The following HSPB3 variants were observed in gnomAD, a reference collection of about 807,000 sequenced individuals.
HSPB3 encodes heat shock protein family B (small) member 3.
In HSPB3, 10 loss-of-function variants were observed where a neutral mutation model predicts 10.9. The observed-to-expected ratio is 0.91, with a 90% confidence interval of 0.56 to 1.55. HSPB3 has a LOEUF of 1.55. Ranked by LOEUF, HSPB3 falls within the 40% of genes most tolerant of loss-of-function variation. The pLI is 0.00. For synonymous variants in HSPB3, 73 were observed against 71.8 expected, an observed-to-expected ratio of 1.02 and a Z score of -0.08; for missense variants, 176 against 184.1, an observed-to-expected ratio of 0.96 and a Z score of 0.25.
Position 54,455,947 on chromosome 5 carries a change from C to T in HSPB3, c.158C>T (p.Ser53Phe). 6.2e-7 allele frequency: 1 copy of T among 1,614,194 alleles called. No individual in the cohort carries two copies. Among genetic ancestry groups the T allele is most frequent in the Non-Finnish European group, 8.5e-7 (1 of 1,180,040 alleles). The change falls in exon 1 of 1, where the codon TCT becomes TTT. Residue 53 changes from serine (S) to phenylalanine (F), a missense_variant. Physicochemically the swap from Ser to Phe is radical, Grantham distance 155. Coordinates refer to ENST00000302005, the MANE Select transcript of HSPB3 (RefSeq NM_006308.3). ...VDLRKTRAAQ[S>F]PPVDSAAETP... is the part of the protein sequence containing the mutation. ...CTGAGGAAAACCAGGGCAGCGCAGTCTCCTCCAGTGGACTCAGCGGCAGAG... is the reference window on the plus strand; with the variant it reads ...CTGAGGAAAACCAGGGCAGCGCAGTTTCCTCCAGTGGACTCAGCGGCAGAG...
In HSPB3 at chr5:54,455,826, C is replaced by T. The variant is rs372042812; in HGVS notation, c.37C>T (p.Pro13Ser). 114 of 1,613,964 alleles carry T rather than the reference C, an allele frequency of 7.1e-5. No individual in the cohort carries two copies. Among genetic ancestry groups the T allele is most frequent in the Non-Finnish European group, 9.5e-5 (112 of 1,179,998 alleles). The change falls in exon 1 of 1, where the codon CCA becomes TCA. Residue 13 changes from proline to serine, a missense_variant. Physicochemically the swap from Pro to Ser is moderately conservative, Grantham distance 74. Transcript: ENST00000302005. ...KIILRHLIEI[P>S]VRYQEEFEAR... is the part of the protein sequence containing the mutation. ...CATTTTGAGGCACCTCATAGAGATTCCAGTGCGTTACCAGGAAGAGTTTGA... is the reference window on the plus strand; with the variant it reads ...CATTTTGAGGCACCTCATAGAGATTTCAGTGCGTTACCAGGAAGAGTTTGA...
chr5:54,456,176 G>A lies in HSPB3; in HGVS notation c.387G>A (p.Leu129=). ...CAGATGGTGTGGAAATCAAAGATTTGTCTGCAGTCCTCTGTCATGATGGAA... is the reference window on the plus strand; with the variant it reads ...CAGATGGTGTGGAAATCAAAGATTTATCTGCAGTCCTCTGTCATGATGGAA... ...KLPDGVEIKD[L]SAVLCHDGIL... is the part of the protein sequence containing the mutation. Residue 129 remains leucine (L), a synonymous_variant, in exon 1 of 1, where the codon TTG becomes TTA. Coordinates refer to ENST00000302005, the MANE Select transcript of HSPB3 (RefSeq NM_006308.3). The A allele has an allele frequency of 6.2e-7, 1 of 1,614,210 alleles. No homozygotes were observed. The highest frequency in any genetic ancestry group is 8.5e-7 in the Non-Finnish European group (1 of 1,180,040).
Position 54,456,098 on chromosome 5 carries a change from A to C in HSPB3, c.309A>C (p.Arg103Ser), listed in dbSNP as rs1761044247. 1.2e-6 allele frequency: 2 copies of C among 1,614,180 alleles called. No individual in the cohort carries two copies. The highest frequency in any genetic ancestry group is 1.7e-6 in the Non-Finnish European group (2 of 1,180,032). The change falls in exon 1 of 1, where the codon AGA becomes AGC. Residue 103 changes from arginine (R) to serine (S), a missense_variant. By Grantham distance (110) the Arg-to-Ser change is moderately radical. Coordinates refer to ENST00000302005, the MANE Select transcript of HSPB3 (RefSeq NM_006308.3). Reference protein sequence around the residue: ...WLLIKAQHGTRMDEHGFISRS... With the variant: ...WLLIKAQHGTSMDEHGFISRS... ...TGATAAAAGCACAACACGGAACCAG[A>C]ATGGATGAGCACGGTTTTATCTCAA...
rs1368471517 is a variant in HSPB3 at position 54,455,775 on chromosome 5, G to C, written c.-15G>C. 1.2e-6 allele frequency: 2 copies of C among 1,611,802 alleles called. No individual in the cohort carries two copies. Among genetic ancestry groups the C allele is most frequent in the South Asian group, 2.2e-5 (2 of 90,980 alleles). ...TGGCAGAAGGAGGCTGTTCAAGGCT[G>C]TTTTTGCCTTCACTATGGCAAAAAT... is the stretch of plus-strand genomic sequence containing the variant. On this transcript the variant is annotated 5_prime_UTR_variant, in exon 1 of 1. Transcript: ENST00000302005.
chr5:54,456,136 G>A lies in HSPB3; in HGVS notation c.347G>A (p.Arg116Gln), dbSNP rs150931007. The stretch of plus-strand genomic sequence containing the variant: ...GGTTTTATCTCAAGAAGCTTCACCC[G>A]ACAGTACAAACTACCAGATGGTGTG... ...EHGFISRSFT[R>Q]QYKLPDGVEI... The change falls in exon 1 of 1, where the codon CGA (arginine) becomes CAA (glutamine). Residue 116 changes from arginine (R) to glutamine (Q), a missense_variant. By Grantham distance (43) the Arg-to-Gln change is conservative. Coordinates refer to ENST00000302005, the MANE Select transcript of HSPB3 (RefSeq NM_006308.3). The A allele has an allele frequency of 2.1e-4, 333 of 1,614,102 alleles. 3 individuals are homozygous for A. The Admixed American group carries it at 4.8e-3, about 24-fold the overall frequency.
In HSPB3 at chr5:54,455,965, C is replaced by A. The variant is rs374682239; in HGVS notation, c.176C>A (p.Ala59Glu). Reference protein sequence around the residue: ...RAAQSPPVDSAAETPPREGKS... With the variant: ...RAAQSPPVDSEAETPPREGKS... The stretch of plus-strand genomic sequence containing the variant: ...GCGCAGTCTCCTCCAGTGGACTCAG[C>A]GGCAGAGACGCCACCCCGAGAAGGC... The change falls in exon 1 of 1, where the codon GCG becomes GAG. Residue 59 changes from alanine (A) to glutamate (E), a missense_variant. Physicochemically the swap from Ala to Glu is moderately radical, Grantham distance 107. Transcript: ENST00000302005. 3.1e-6 allele frequency: 5 copies of A among 1,613,984 alleles called. No individual in the cohort carries two copies. The African/African-American group carries it at 4.0e-5, about 13-fold the overall frequency.
In HSPB3 at chr5:54,455,935, G is replaced by A; in HGVS notation, c.146G>A (p.Arg49Lys). 6.2e-7 allele frequency: 1 copy of A among 1,614,140 alleles called. No homozygotes were observed. The highest frequency in any genetic ancestry group is 8.5e-7 in the Non-Finnish European group (1 of 1,180,038). The change falls in exon 1 of 1, where the codon AGG becomes AAG. Residue 49 changes from arginine to lysine, a missense_variant. By Grantham distance (26) the Arg-to-Lys change is conservative. Coordinates refer to ENST00000302005, the MANE Select transcript of HSPB3 (RefSeq NM_006308.3). ...ACCATCGTGGACCTGAGGAAAACCA[G>A]GGCAGCGCAGTCTCCTCCAGTGGAC... Reference protein sequence around the residue: ...GPTIVDLRKTRAAQSPPVDSA... With the variant: ...GPTIVDLRKTKAAQSPPVDSA...
rs1328059624 is a variant in HSPB3 at position 54,456,244 on chromosome 5, A to C, written c.*2A>C. The C allele has an allele frequency of 6.2e-7, 1 of 1,611,092 alleles. No homozygotes were observed. The highest frequency in any genetic ancestry group is 1.1e-5 in the South Asian group (1 of 91,028). Reference sequence around the variant, plus strand: ...AAGGATCCAGTTGGGACTAAGTGACATCGTATCGGTTCCTGTTCAGATGAC... The same window carrying C: ...AAGGATCCAGTTGGGACTAAGTGACCTCGTATCGGTTCCTGTTCAGATGAC... On this transcript the variant is annotated 3_prime_UTR_variant, in exon 1 of 1. Coordinates refer to ENST00000302005, the MANE Select transcript of HSPB3 (RefSeq NM_006308.3).
Position 54,456,141 on chromosome 5 carries a change from T to C in HSPB3, c.352T>C (p.Tyr118His), listed in dbSNP as rs1350009895. 1 of 1,614,176 alleles carries C rather than the reference T, an allele frequency of 6.2e-7. No individual in the cohort carries two copies. Among genetic ancestry groups the C allele is most frequent in the East Asian group, 2.2e-5 (1 of 44,882 alleles). ...TATCTCAAGAAGCTTCACCCGACAG[T>C]ACAAACTACCAGATGGTGTGGAAAT... ...GFISRSFTRQ[Y>H]KLPDGVEIKD... The change falls in exon 1 of 1, where the codon TAC (tyrosine) becomes CAC (histidine). Residue 118 changes from tyrosine (Y) to histidine (H), a missense_variant. Physicochemically the swap from Tyr to His is moderately conservative, Grantham distance 83. Transcript: ENST00000302005.
chr5:54,455,916 G>C lies in HSPB3; in HGVS notation c.127G>C (p.Val43Leu), dbSNP rs372203645. ...ATATGCACTGCCTGGGCCAACCATC[G>C]TGGACCTGAGGAAAACCAGGGCAGC... ...ALYALPGPTI[V>L]DLRKTRAAQS... is the part of the protein sequence containing the mutation. Residue 43 changes from valine to leucine, a missense_variant, in exon 1 of 1, where the codon GTG becomes CTG. Transcript: ENST00000302005. 1.2e-6 allele frequency: 2 copies of C among 1,614,098 alleles called. No homozygotes were observed. The highest frequency in any genetic ancestry group is 1.1e-5 in the South Asian group (1 of 91,074).
rs1368471517 is a variant in HSPB3, at chr5:54,455,775, G to A, written c.-15G>A. The A allele has an allele frequency of 8.1e-6, 13 of 1,611,684 alleles. No homozygotes were observed. The highest frequency in any genetic ancestry group is 1.1e-5 in the Non-Finnish European group (13 of 1,177,928). ...TGGCAGAAGGAGGCTGTTCAAGGCT[G>A]TTTTTGCCTTCACTATGGCAAAAAT... is the stretch of plus-strand genomic sequence containing the variant. On this transcript the variant is annotated 5_prime_UTR_variant, in exon 1 of 1. Coordinates refer to ENST00000302005, the MANE Select transcript of HSPB3 (RefSeq NM_006308.3).
In HSPB3 at chr5:54,455,810, G is replaced by A; in HGVS notation, c.21G>A (p.Arg7=). Residue 7 remains arginine (R), a synonymous_variant, in exon 1 of 1, where the codon AGG becomes AGA. Coordinates refer to ENST00000302005, the MANE Select transcript of HSPB3 (RefSeq NM_006308.3). ...TCACTATGGCAAAAATCATTTTGAG[G>A]CACCTCATAGAGATTCCAGTGCGTT... The part of the protein sequence containing the change: MAKIIL[R]HLIEIPVRYQ... 1.2e-6 allele frequency: 2 copies of A among 1,614,094 alleles called. No homozygotes were observed. Among genetic ancestry groups the A allele is most frequent in the Non-Finnish European group, 8.5e-7 (1 of 1,179,998 alleles).
rs748224700 is a variant in HSPB3, at chr5:54,455,982, C to G, written c.193C>G (p.Arg65Gly). The G allele has an allele frequency of 4.3e-6, 7 of 1,614,046 alleles. No homozygotes were observed. Among genetic ancestry groups the G allele is most frequent in the African/African-American group, 1.3e-5 (1 of 74,918 alleles). ...GGACTCAGCGGCAGAGACGCCACCCCGAGAAGGCAAATCCCACTTTCAGAT... is the reference window on the plus strand; with the variant it reads ...GGACTCAGCGGCAGAGACGCCACCCGGAGAAGGCAAATCCCACTTTCAGAT... Reference protein sequence around the residue: ...PVDSAAETPPREGKSHFQILL... With the variant: ...PVDSAAETPPGEGKSHFQILL... The change falls in exon 1 of 1, where the codon CGA (arginine) becomes GGA (glycine). Residue 65 changes from arginine to glycine, a missense_variant. Coordinates refer to ENST00000302005, the MANE Select transcript of HSPB3 (RefSeq NM_006308.3).
In HSPB3 at chr5:54,455,915, C is replaced by G. The variant is rs773913025; in HGVS notation, c.126C>G (p.Ile42Met). Residue 42 changes from isoleucine (I) to methionine (M), a missense_variant, in exon 1 of 1, where the codon ATC becomes ATG. Ile to Met is a conservative substitution (Grantham distance 10). Coordinates refer to ENST00000302005, the MANE Select transcript of HSPB3 (RefSeq NM_006308.3). ...TATATGCACTGCCTGGGCCAACCAT[C>G]GTGGACCTGAGGAAAACCAGGGCAG... ...HALYALPGPTIVDLRKTRAAQ... is the reference protein window; with the variant it reads ...HALYALPGPTMVDLRKTRAAQ... The G allele has an allele frequency of 1.9e-6, 3 of 1,614,138 alleles. No homozygotes were observed. The highest frequency in any genetic ancestry group is 3.3e-4 in the Middle Eastern group (2 of 6,062).
chr5:54,456,358 T>C lies in HSPB3; in HGVS notation c.*116T>C. ...TGATTTGCTATGATTTTTATGAAGA[T>C]TAAAAATATATACACAGTTCCTGGT... On this transcript the variant is annotated 3_prime_UTR_variant, in exon 1 of 1. Coordinates refer to ENST00000302005, the MANE Select transcript of HSPB3 (RefSeq NM_006308.3). 1 of 889,244 alleles carries C rather than the reference T, an allele frequency of 1.1e-6. No individual in the cohort carries two copies. Among genetic ancestry groups the C allele is most frequent in the Non-Finnish European group, 1.9e-6 (1 of 527,868 alleles). The allele number at this position is 889,244 out of a possible 1,614,324, so 55.1% of individuals were successfully genotyped here.
Position 54,455,951 on chromosome 5 carries a change from T to A in HSPB3, c.162T>A (p.Pro54=). Residue 54 remains proline, a synonymous_variant, in exon 1 of 1, where the codon CCT becomes CCA. Transcript: ENST00000302005. ...GGAAAACCAGGGCAGCGCAGTCTCCTCCAGTGGACTCAGCGGCAGAGACGC... is the reference window on the plus strand; with the variant it reads ...GGAAAACCAGGGCAGCGCAGTCTCCACCAGTGGACTCAGCGGCAGAGACGC... ...DLRKTRAAQS[P]PVDSAAETPP... 6.2e-7 allele frequency: 1 copy of A among 1,614,082 alleles called. No individual in the cohort carries two copies.
chr5:54,456,167 C>T lies in HSPB3; in HGVS notation c.378C>T (p.Ile126=). 1.2e-6 allele frequency: 2 copies of T among 1,614,142 alleles called. No individual in the cohort carries two copies. Among genetic ancestry groups the T allele is most frequent in the Non-Finnish European group, 8.5e-7 (1 of 1,180,020 alleles). ...RQYKLPDGVE[I]KDLSAVLCHD... ...ACAAACTACCAGATGGTGTGGAAAT[C>T]AAAGATTTGTCTGCAGTCCTCTGTC... Residue 126 remains isoleucine, a synonymous_variant, in exon 1 of 1, where the codon ATC becomes ATT. Transcript: ENST00000302005.
Position 54,455,937 on chromosome 5 carries a change from G to A in HSPB3, c.148G>A (p.Ala50Thr), listed in dbSNP as rs776892769. The change falls in exon 1 of 1, where the codon GCA (alanine) becomes ACA (threonine). Residue 50 changes from alanine (A) to threonine (T), a missense_variant. Physicochemically the swap from Ala to Thr is moderately conservative, Grantham distance 58. Transcript: ENST00000302005. ...PTIVDLRKTR[A>T]AQSPPVDSAA... ...CATCGTGGACCTGAGGAAAACCAGGGCAGCGCAGTCTCCTCCAGTGGACTC... is the reference window on the plus strand; with the variant it reads ...CATCGTGGACCTGAGGAAAACCAGGACAGCGCAGTCTCCTCCAGTGGACTC... 7.4e-6 allele frequency: 12 copies of A among 1,613,946 alleles called. No homozygotes were observed. The African/African-American group carries it at 1.3e-4, about 18-fold the overall frequency.
rs913988211 is a variant in HSPB3, at chr5:54,455,723, C to T, written c.-67C>T. 3.4e-5 allele frequency: 45 copies of T among 1,315,360 alleles called. No homozygotes were observed. Among genetic ancestry groups the T allele is most frequent in the African/African-American group, 2.3e-4 (16 of 69,206 alleles). 81.5% of individuals were successfully genotyped at this position (1,315,360 alleles called of 1,614,324 possible). A position where few individuals can be genotyped will look rare whatever the true frequency, so the allele number is the denominator to read the frequency against. On this transcript the variant is annotated 5_prime_UTR_variant, in exon 1 of 1. Coordinates refer to ENST00000302005, the MANE Select transcript of HSPB3 (RefSeq NM_006308.3). ...CAGTCAGTAGGCAACTGCAGGGGCTCGCCACTGACTGAAGGCAGTGGAAGG... is the reference window on the plus strand; with the variant it reads ...CAGTCAGTAGGCAACTGCAGGGGCTTGCCACTGACTGAAGGCAGTGGAAGG...
Sources: gnomAD v4.1 joint callset for allele counts on GRCh38, gnomAD v4.1.1 for gene constraint, MANE v1.5 for transcripts, NCBI Gene and HGNC (gene_info 2026-07-23, HGNC 2026-07-21) for gene names.